KCNH2: variants seen among roughly 807,000 people sequenced by gnomAD.
KCNH2 encodes the protein voltage-gated inwardly rectifying potassium channel KCNH2.
Under a neutral mutation model 95.9 loss-of-function variants are expected in KCNH2, and 35 were observed. The ratio of observed to expected loss-of-function variants is 0.37; its 90% CI spans 0.28 to 0.48. The LOEUF (loss-of-function observed/expected upper bound fraction) is 0.48, where lower values mean the gene tolerates loss of function less well. Ranked by LOEUF, KCNH2 falls within the 20% of genes least tolerant of loss-of-function variation. The pLI is 0.99. For synonymous variants in KCNH2, 786 were observed against 754.7 expected (o/e 1.04, Z -0.68); for missense variants, 1,274 against 1,702.9 (o/e 0.75, Z 4.43).
intron 2 of KCNH2, among the ~76,000 whole-genome samples, chr7:150,972,150 A>T (rs529014179): frequency 2.0e-5 from 3 of 152,274 alleles, no homozygotes; most frequent in Admixed American, 6.5e-5. Flanking sequence ...GCAACTAAAT[A>T]ATGGGGCTGT....
rs1256261257 is a variant in KCNH2, at chr7:150,946,862, A to C, written c.3330+15T>G. ...GCGGGTCACGGTACATCGAGGAAGC[A>C]GGGCTGGAGCTTACCTGAGAAAGCG... is the stretch of plus-strand genomic sequence containing the variant. On this transcript the variant is annotated intron_variant, in intron 14 of 14. Coordinates refer to ENST00000262186, the MANE Select transcript of KCNH2 (RefSeq NM_000238.4). This position sits in a 1 kb window ranked among gnomAD's most constrained non-coding sequence, Gnocchi z 6.5. 1 of 1,592,726 alleles carries C rather than the reference A, an allele frequency of 6.3e-7. No individual in the cohort carries two copies. The highest frequency in any genetic ancestry group is 2.3e-5 in the East Asian group (1 of 44,256).
At position 150,977,932 on chromosome 7, in the gene KCNH2, C is replaced by CCGGG; in HGVS notation, c.-23_-20dup. ...CCGGCATCCTGAGCCCATGGGCGGG[C>CCGGG]CGGGCGGGCCCCCACCCACCCCGGC... is the stretch of plus-strand genomic sequence containing the variant. On this transcript the variant is annotated 5_prime_UTR_variant, in exon 1 of 15. Transcript: ENST00000262186. The CCGGG allele has an allele frequency of 6.4e-7, 1 of 1,573,954 alleles. No individual in the cohort carries two copies. Among genetic ancestry groups the CCGGG allele is most frequent in the Non-Finnish European group, 8.6e-7 (1 of 1,161,414 alleles).
chr7:150,947,086 G>A (rs760523800), intron 13 of KCNH2, 32 bp from the exon 14 acceptor site: 13 of 1,553,884 alleles, frequency 8.4e-6, no homozygotes, highest in African/African-American at 2.7e-5. Flanking sequence ...GCTCAGAGAA[G>A]TGGGGACACC....
At position 150,959,689 on chromosome 7, in the gene KCNH2, C is replaced by G. The variant is rs376308069; in HGVS notation, c.355G>C (p.Asp119His). ...AGGATGAACATGATGACAGCCCCAT[C>G]CTCGTTCTTCACGGGCACCACATCC... is the stretch of plus-strand genomic sequence containing the variant. ...LVDVVPVKNE[D>H]GAVIMFILNF... The change falls in exon 3 of 15, where the codon GAT (aspartate) becomes CAT (histidine). Residue 119 changes from aspartate (D) to histidine (H), a missense_variant. Asp to His is a moderately conservative substitution (Grantham distance 81). Transcript: ENST00000262186. The G allele has an allele frequency of 2.4e-5, 38 of 1,614,086 alleles. No homozygotes were observed. The African/African-American group carries it at 4.9e-4, about 21-fold the overall frequency.
At chr7:150,958,700 C>A (rs941507996) in intron 3 of KCNH2, among the ~76,000 whole-genome samples, 198 bp from the exon 4 acceptor site, 4 of 152,214 alleles carry the variant, frequency 2.6e-5, no homozygotes, top group Non-Finnish European at 5.9e-5. Flanking sequence ...ACCGCCATAT[C>A]TGAAGTGACA....
rs777129096 is a variant in KCNH2, at chr7:150,947,571, C to T, written c.2965+35G>A. ...GGTAGACGCACCACCGCTGCCACGC[C>T]CGGTCCTCCCTCGCCCGCCCGTCGC... is the stretch of plus-strand genomic sequence containing the variant. On this transcript the variant is annotated intron_variant, in intron 12 of 14. Transcript: ENST00000262186. 4.4e-6 allele frequency: 7 copies of T among 1,608,608 alleles called. No homozygotes were observed. Among genetic ancestry groups the T allele is most frequent in the Admixed American group, 1.7e-5 (1 of 59,470 alleles).
In KCNH2 at chr7:150,972,936, G is replaced by A. The variant is rs571025694; in HGVS notation, c.307+1775C>T. ...CAGCCAAAGGAAAGAGCCCTCAGCC[G>A]CTGCTGCCAAGAGGCCAAATCCCCA... On this transcript the variant is annotated intron_variant, in intron 2 of 14. Coordinates refer to ENST00000262186, the MANE Select transcript of KCNH2 (RefSeq NM_000238.4). 1.6e-4 allele frequency among the ~76,000 whole-genome samples: 24 copies of A among 152,316 alleles called. No individual in the cohort carries two copies. In the East Asian group the frequency reaches 2.5e-3, roughly 16 times the overall value.
intron 5 of KCNH2, chr7:150,955,669 C>T: frequency 7.1e-7 from 1 of 1,403,320 alleles, no homozygotes; most frequent in Non-Finnish European, 9.2e-7. Flanking sequence ...TGGCTGGGCC[C>T]CAGGGCTGGG....
At chr7:150,959,132 C>T (rs1801482307) in intron 3 of KCNH2, among the ~76,000 whole-genome samples, 2 of 152,198 alleles carry the variant, frequency 1.3e-5, no homozygotes, top group Non-Finnish European at 2.9e-5. Context: ...GGAAACTTGG[C>T]CAGTCCATGA....
intron 5 of KCNH2, chr7:150,955,561 C>CTCA (rs1350970448): frequency 1.1e-5 from 17 of 1,497,696 alleles, no homozygotes; most frequent in Non-Finnish European, 1.3e-5. Flanking sequence ...CGGCCACTGC[C>CTCA]TCACCTGCAC....
chr7:150,952,312 C>CTCTCTT lies in KCNH2; in HGVS notation c.1557+112_1557+113insAAGAGA, dbSNP rs1344734195. On this transcript the variant is annotated intron_variant, in intron 6 of 14. Coordinates refer to ENST00000262186, the MANE Select transcript of KCNH2 (RefSeq NM_000238.4). The surrounding 1 kb of genome is among the most constrained non-coding windows in gnomAD (Gnocchi z 7.3). ...TCTCTCCCACTGTCTTTCTCTCTTT[C>CTCTCTT]TCTCTCTCTCTCTTTTTCTCTGTCC... 494 of 862,488 alleles carry CTCTCTT rather than the reference C, an allele frequency of 5.7e-4. No individual in the cohort carries two copies. Among genetic ancestry groups the CTCTCTT allele is most frequent in the East Asian group, 1.2e-3 (38 of 30,424 alleles). 53.4% of individuals were successfully genotyped at this position (862,488 alleles called of 1,614,324 possible). A position where few individuals can be genotyped will look rare whatever the true frequency, so the allele number is the denominator to read the frequency against.
intron 9 of KCNH2, 35 bp from the exon 10 acceptor site, chr7:150,949,084 C>T (rs763728350): frequency 7.6e-6 from 12 of 1,587,312 alleles, no homozygotes; most frequent in African/African-American, 2.7e-5. Flanking sequence ...AGCTCAGCCC[C>T]GGGGGGCGGC....
At position 150,974,852 on chromosome 7, in the gene KCNH2, G is replaced by T. The variant is rs1801937245; in HGVS notation, c.166C>A (p.Arg56=). The change falls in exon 2 of 15, where the codon CGG becomes AGG. Residue 56 remains arginine (R), a synonymous_variant. Transcript: ENST00000262186. The part of the protein sequence containing the change: ...DGFCELCGYS[R]AEVMQRPCTC... ...CAGGGTCGCTGCATCACCTCGGCCCGCGAGTAGCCGCACAGCTCGCAGAAG... is the reference window on the plus strand; with the variant it reads ...CAGGGTCGCTGCATCACCTCGGCCCTCGAGTAGCCGCACAGCTCGCAGAAG... 3.1e-6 allele frequency: 5 copies of T among 1,610,344 alleles called. No homozygotes were observed. The highest frequency in any genetic ancestry group is 4.2e-6 in the Non-Finnish European group (5 of 1,178,698).
chr7:150,977,720 G>C, intron 1 of KCNH2, 118 bp downstream of exon 1: 1 of 777,518 alleles, frequency 1.3e-6, no homozygotes, highest in Non-Finnish European at 2.0e-6. Flanking sequence ...GGCCCACCAG[G>C]CCCCATTGAC....
At chr7:150,957,101 T>C (rs552709210) in intron 5 of KCNH2, among the ~76,000 whole-genome samples, 190 bp downstream of exon 5, 1 of 152,184 alleles carries the variant, frequency 6.6e-6, no homozygotes, top group African/African-American at 2.4e-5. Context: ...TCTCCAGGAC[T>C]TCTCAGACTG....
chr7:150,968,831 G>A (rs900542942), intron 2 of KCNH2, among the ~76,000 whole-genome samples: 4 of 152,158 alleles, frequency 2.6e-5, no homozygotes, highest in East Asian at 1.9e-4. Context: ...CTGAGGCCCC[G>A]GATCAGGCTC....
chr7:150,963,172 T>A (rs1421314852), intron 2 of KCNH2, among the ~76,000 whole-genome samples: 1 of 151,894 alleles, frequency 6.6e-6, no homozygotes, highest in Admixed American at 6.5e-5. Flanking sequence ...CAGCCCACAC[T>A]CCCGAGGCAG....
chr7:150,975,598 C>T (rs1206718004), intron 1 of KCNH2, among the ~76,000 whole-genome samples: 1 of 152,218 alleles, frequency 6.6e-6, no homozygotes, highest in Non-Finnish European at 1.5e-5. Flanking sequence ...CGCTGCATCT[C>T]ATTAGGTCCT....
chr7:150,957,336 A>C lies in KCNH2; in HGVS notation c.1083T>G (p.Pro361=). 1.2e-6 allele frequency: 2 copies of C among 1,608,588 alleles called. No individual in the cohort carries two copies. The highest frequency in any genetic ancestry group is 1.7e-6 in the Non-Finnish European group (2 of 1,177,506). The change falls in exon 5 of 15, where the codon CCT becomes CCG. Residue 361 remains proline, a synonymous_variant. Transcript: ENST00000262186. The stretch of plus-strand genomic sequence containing the variant: ...CATTGTGGGTTCGCTCCTTTATCTT[A>C]GGTGCTATGATCTCACGGTCACTGG... ...SPTSDREIIA[P]KIKERTHNVT...
Sources: gnomAD v4.1 joint callset for allele counts (sites outside exome capture counted in the v4.1 genomes callset) on GRCh38, gnomAD v4.1.1 for gene constraint, Gnocchi (gnomAD v3.1) non-coding constraint, MANE v1.5 for transcripts, NCBI Gene and HGNC (gene_info 2026-07-23, HGNC 2026-07-21) for gene names.